Variants in RIMS1 observed in about 807,000 individuals in gnomAD.
The protein encoded by RIMS1 is regulating synaptic membrane exocytosis 1.
Under a neutral mutation model 214.1 loss-of-function variants are expected in RIMS1, and 83 were observed. The observed-to-expected ratio is 0.39, with a 90% CI of 0.32 to 0.47. The LOEUF is 0.47. Ranked by LOEUF, RIMS1 falls within the 20% of genes least tolerant of loss-of-function variation. The pLI, the probability that RIMS1 is intolerant of heterozygous loss-of-function variation, is 0.99. For missense variants in RIMS1, 2,050 were observed against 2,161.8 expected (o/e 0.95, Z 1.03); for synonymous variants, 793 against 786.8 (o/e 1.01, Z -0.13).
intron 6 of RIMS1, among the ~76,000 whole-genome samples, chr6:72,208,009 C>T (rs55810758): frequency 0.18 from 26,931 of 151,992 alleles, 2,961 homozygotes; most frequent in Non-Finnish European, 0.25. Flanking sequence ...TTAAACCACA[C>T]AGGGCCATGA....
intron 4 of RIMS1, among the ~76,000 whole-genome samples, chr6:72,107,727 A>G (rs1030997304): frequency 1.1e-4 from 16 of 152,348 alleles, no homozygotes; most frequent in African/African-American, 3.8e-4. Context: ...TACACAAAAT[A>G]TACCAAATAA....
chr6:72,180,642 T>G (rs1405090007), intron 5 of RIMS1, among the ~76,000 whole-genome samples: 1 of 152,244 alleles, frequency 6.6e-6, no homozygotes, highest in African/African-American at 2.4e-5. Flanking sequence ...TGGGCAAACA[T>G]GAAGCTATGC....
intron 4 of RIMS1, among the ~76,000 whole-genome samples, chr6:72,165,296 T>C (rs548977535): frequency 6.6e-6 from 1 of 152,316 alleles, no homozygotes; most frequent in Non-Finnish European, 1.5e-5. Flanking sequence ...TAATGTTTAG[T>C]TTTAGTTCTA....
chr6:72,268,082 A>G (rs1272430900), intron 22 of RIMS1, among the ~76,000 whole-genome samples: 6 of 152,180 alleles, frequency 3.9e-5, no homozygotes, highest in Admixed American at 3.9e-4. Context: ...GTAAAATAAA[A>G]CTTAGATAAG....
At chr6:72,213,276 T>C in intron 6 of RIMS1, 1 of 1,446,404 alleles carries the variant, frequency 6.9e-7, no homozygotes, top group South Asian at 1.3e-5. Context: ...TGTACCTAAA[T>C]CTATATTTAA....
chr6:72,084,638 A>T (rs1477121986), intron 2 of RIMS1, among the ~76,000 whole-genome samples: 2 of 152,204 alleles, frequency 1.3e-5, no homozygotes, highest in Admixed American at 1.3e-4. Flanking sequence ...AATCTATGCT[A>T]GTGGGCCTCC....
chr6:71,983,145 C>T (rs1798917692), intron 2 of RIMS1, among the ~76,000 whole-genome samples: 1 of 151,664 alleles, frequency 6.6e-6, no homozygotes, highest in Admixed American at 6.6e-5. Context: ...TTTTTTCTTC[C>T]CTGAGCTTTG....
At chr6:72,065,048 G>C (rs1245424294) in intron 2 of RIMS1, among the ~76,000 whole-genome samples, 1 of 152,192 alleles carries the variant, frequency 6.6e-6, no homozygotes, top group Non-Finnish European at 1.5e-5. Flanking sequence ...ATCTGTTTAT[G>C]TTGTTAATCT....
chr6:72,212,760 A>G, intron 6 of RIMS1: 1 of 969,192 alleles, frequency 1.0e-6, no homozygotes, highest in Non-Finnish European at 1.2e-6. Context: ...TATTTCCTGA[A>G]TCCTGTGGAT....
intron 29 of RIMS1, among the ~76,000 whole-genome samples, chr6:72,352,151 G>A (rs1465467406): frequency 6.6e-6 from 1 of 152,194 alleles, no homozygotes; most frequent in Non-Finnish European, 1.5e-5. Flanking sequence ...CAGCTTCTTG[G>A]TAGACTATCT....
intron 22 of RIMS1, chr6:72,266,406 G>T: frequency 3.3e-6 from 1 of 303,634 alleles, no homozygotes; most frequent in South Asian, 3.6e-5. Context: ...TATCCGAAGG[G>T]GAGGATCACT....
chr6:72,270,414 C>G (rs990872683), intron 22 of RIMS1, among the ~76,000 whole-genome samples: 3 of 152,090 alleles, frequency 2.0e-5, no homozygotes, highest in African/African-American at 7.2e-5. Flanking sequence ...TATCCTATTT[C>G]TCTTTTCCAT....
chr6:71,916,341 A>G (rs920283563), intron 1 of RIMS1, among the ~76,000 whole-genome samples: 1 of 152,122 alleles, frequency 6.6e-6, no homozygotes, highest in Non-Finnish European at 1.5e-5. Context: ...CATTTCATTG[A>G]TGAGAGTGTT....
chr6:72,374,365 C>T (rs1226480286), intron 29 of RIMS1, among the ~76,000 whole-genome samples: 1 of 152,178 alleles, frequency 6.6e-6, no homozygotes, highest in Admixed American at 6.5e-5. Flanking sequence ...GGAAAAGCAA[C>T]CAGTCAGCAG....
At chr6:71,887,327 C>A in intron 1 of RIMS1, 140 bp downstream of exon 1, 2 of 1,090,198 alleles carry the variant, frequency 1.8e-6, no homozygotes, top group Non-Finnish European at 2.7e-6. Context: ...CCGCCTTGGG[C>A]CAGGGGCGCG....
Position 72,242,359 on chromosome 6 carries a change from C to T in RIMS1, c.2003C>T (p.Thr668Ile). Residue 668 changes from threonine (T) to isoleucine (I), a missense_variant, in exon 10 of 34, where the codon ACA becomes ATA. Thr to Ile is a moderately conservative substitution (Grantham distance 89). Around this residue, in one of 6 missense-constraint regions of RIMS1, gnomAD observed 111 missense variants for 166.2 expected, o/e 0.67. Coordinates refer to ENST00000521978, the MANE Select transcript of RIMS1 (RefSeq NM_014989.7). ...EWNGKPLPGA[T>I]NEEVYNIILE... ...AATGGTAAACCCCTGCCGGGAGCTACAAATGAAGAAGTTTACAACATTATT... is the reference window on the plus strand; with the variant it reads ...AATGGTAAACCCCTGCCGGGAGCTATAAATGAAGAAGTTTACAACATTATT... The T allele has an allele frequency of 6.4e-7, 1 of 1,563,388 alleles. No individual in the cohort carries two copies. The highest frequency in any genetic ancestry group is 8.7e-7 in the Non-Finnish European group (1 of 1,151,582).
intron 19 of RIMS1, chr6:72,261,960 C>T (rs975639673): frequency 1.8e-4 from 174 of 984,246 alleles, no homozygotes; most frequent in African/African-American, 1.5e-3. Context: ...TTGTTCTTGA[C>T]AAACAGTTTC....
chr6:72,009,974 A>G (rs948511789), intron 2 of RIMS1, among the ~76,000 whole-genome samples: 1 of 152,218 alleles, frequency 6.6e-6, no homozygotes, highest in East Asian at 1.9e-4. Flanking sequence ...AACTCATTTT[A>G]TGAGGGCAGC....
intron 1 of RIMS1, among the ~76,000 whole-genome samples, chr6:71,932,838 G>C (rs893486394): frequency 6.6e-6 from 1 of 151,982 alleles, no homozygotes; most frequent in Non-Finnish European, 1.5e-5. Context: ...CTTCATAAAA[G>C]TGACATGTTT....
Sources: allele counts gnomAD v4.1 joint callset (sites outside exome capture counted in the v4.1 genomes callset), GRCh38; gene constraint gnomAD v4.1.1; regional missense constraint gnomAD v4.1.1; transcripts MANE v1.5; gene names NCBI Gene and HGNC (gene_info 2026-07-23, HGNC 2026-07-21).